GK5: variants seen among roughly 807,000 people sequenced by gnomAD.
The protein encoded by GK5 is ATP:glycerol 3-phosphotransferase 5.
In GK5, 39 loss-of-function variants were observed where a neutral mutation model predicts 77.3. That is an observed-to-expected ratio of 0.50 (90% CI 0.39 to 0.66). The LOEUF (loss-of-function observed/expected upper bound fraction) is 0.66. Among genes scored for constraint, GK5 ranks in the 30% least tolerant of loss-of-function variants. The pLI, the probability that GK5 is intolerant of heterozygous loss-of-function variation, is 0.00. For missense variants in GK5, 487 were observed against 633.8 expected, an observed-to-expected ratio of 0.77 and a Z score of 2.49; for synonymous variants, 211 against 208.0, an observed-to-expected ratio of 1.01 and a Z score of -0.13.
At chr3:142,218,869 G>C (rs1407721375) in intron 1 of GK5, among the ~76,000 whole-genome samples, 1 of 151,960 alleles carries the variant, frequency 6.6e-6, no homozygotes, top group Non-Finnish European at 1.5e-5. Context: ...CTAATATCCA[G>C]AATATATAAA....
chr3:142,191,048 ATT>A (rs61032785), intron 5 of GK5, among the ~76,000 whole-genome samples: 2 of 148,654 alleles, frequency 1.3e-5, no homozygotes. Context: ...AGTATAAATA[ATT>A]TTTTTTTTTT....
chr3:142,177,382 T>C (rs1198339933), intron 12 of GK5, 100 bp downstream of exon 12: 1 of 704,796 alleles, frequency 1.4e-6, no homozygotes, highest in Non-Finnish European at 2.5e-6. Context: ...TTCTGTTCAG[T>C]GCTCAAATTT....
At chr3:142,205,609 C>A (rs2064093870) in intron 3 of GK5, among the ~76,000 whole-genome samples, 1 of 152,196 alleles carries the variant, frequency 6.6e-6, no homozygotes, top group African/African-American at 2.4e-5. Flanking sequence ...CAACTCACTG[C>A]AACCTTTAAT....
At chr3:142,216,172 A>G (rs1028302103) in intron 1 of GK5, among the ~76,000 whole-genome samples, 1 of 152,120 alleles carries the variant, frequency 6.6e-6, no homozygotes. Context: ...GAATTCAGGT[A>G]CCATGGAACT....
At chr3:142,173,534 A>C (rs959916832) in intron 12 of GK5, among the ~76,000 whole-genome samples, 1 of 152,124 alleles carries the variant, frequency 6.6e-6, no homozygotes, top group African/African-American at 2.4e-5. Flanking sequence ...AATACAAAAA[A>C]TTAGCCAGAC....
At chr3:142,169,157 C>T (rs1398268141) in intron 15 of GK5, among the ~76,000 whole-genome samples, 1 of 152,206 alleles carries the variant, frequency 6.6e-6, no homozygotes, top group African/African-American at 2.4e-5. Flanking sequence ...AGGTGCTCCA[C>T]AAACGTTGTT....
chr3:142,200,098 T>TAC (rs202073717), intron 4 of GK5, among the ~76,000 whole-genome samples: 6,623 of 148,860 alleles, frequency 0.044, 226 homozygotes, highest in South Asian at 0.12. Context: ...TATATATATA[T>TAC]ACACACACAC....
At chr3:142,172,794 A>G (rs2063556260) in intron 12 of GK5, among the ~76,000 whole-genome samples, 1 of 152,252 alleles carries the variant, frequency 6.6e-6, no homozygotes, top group African/African-American at 2.4e-5. Context: ...AAGTTTTTAC[A>G]CTAAAATTGT....
chr3:142,172,320 G>A, intron 13 of GK5, 33 bp downstream of exon 13: 1 of 986,794 alleles, frequency 1.0e-6, no homozygotes, highest in Non-Finnish European at 1.6e-6. Context: ...AATATTCTAT[G>A]GGGAAGGGGA....
intron 5 of GK5, among the ~76,000 whole-genome samples, chr3:142,191,833 T>C (rs1267788583): frequency 1.3e-5 from 2 of 151,300 alleles, no homozygotes; most frequent in African/African-American, 2.4e-5. Flanking sequence ...AATAAATAAA[T>C]AAATAGTGAA....
chr3:142,187,816 G>C (rs1165397989), intron 5 of GK5, 37 bp from the exon 6 acceptor site: 1 of 1,478,552 alleles, frequency 6.8e-7, no homozygotes, highest in Non-Finnish European at 9.4e-7. Flanking sequence ...ATTCAAAAAG[G>C]CTAAATTACT....
intron 3 of GK5, among the ~76,000 whole-genome samples, chr3:142,209,432 G>A (rs2064161607): frequency 6.6e-6 from 1 of 152,112 alleles, no homozygotes; most frequent in South Asian, 2.1e-4. Context: ...TTATAACATA[G>A]AACAAGACAA....
chr3:142,215,389 A>T (rs1045289210), intron 2 of GK5, among the ~76,000 whole-genome samples: 2 of 152,214 alleles, frequency 1.3e-5, no homozygotes, highest in African/African-American at 4.8e-5. Context: ...AAAAGAGACA[A>T]ACCAGAGGAC....
intron 3 of GK5, among the ~76,000 whole-genome samples, chr3:142,211,361 C>T (rs1029532535): frequency 1.3e-5 from 2 of 152,200 alleles, no homozygotes; most frequent in South Asian, 2.1e-4. Context: ...AATTCATTCA[C>T]CCCTTCATCT....
At chr3:142,208,864 T>C (rs777315352) in intron 3 of GK5, among the ~76,000 whole-genome samples, 4 of 152,108 alleles carry the variant, frequency 2.6e-5, no homozygotes, top group Non-Finnish European at 5.9e-5. Context: ...AAAGGATAAA[T>C]AGAGGCCGGG....
intron 10 of GK5, among the ~76,000 whole-genome samples, chr3:142,181,910 T>C (rs997889615): frequency 2.0e-5 from 3 of 152,222 alleles, no homozygotes; most frequent in Admixed American, 6.5e-5. Flanking sequence ...TCTAGAAATA[T>C]GGCAATAAAT....
intron 4 of GK5, chr3:142,204,161 G>T: frequency 5.7e-6 from 1 of 176,676 alleles, no homozygotes; most frequent in Non-Finnish European, 1.2e-5. Flanking sequence ...AGGGACTAGG[G>T]GTCCACACCA....
At chr3:142,190,141 G>C (rs2063828380) in intron 5 of GK5, among the ~76,000 whole-genome samples, 1 of 152,108 alleles carries the variant, frequency 6.6e-6, no homozygotes, top group South Asian at 2.1e-4. Context: ...GGTTTTAATA[G>C]CACATTAGAA....
rs1345927137 is a variant in GK5, at chr3:142,157,635, C to T, written c.*7987G>A. ...TTTCAGAAAGGATTTTTAACATCTG[C>T]TAGGCTAATTCCATCATATTAGTAT... On this transcript the variant is annotated 3_prime_UTR_variant, in exon 16 of 16. Coordinates refer to ENST00000392993, the MANE Select transcript of GK5 (RefSeq NM_001039547.3). 2 of 152,146 alleles carry T rather than the reference C, an allele frequency of 1.3e-5. No individual in the cohort carries two copies. The highest frequency in any genetic ancestry group is 3.8e-4 in the East Asian group (2 of 5,206). The allele number at this position is 152,146 out of a possible 1,614,324, so 9.4% of individuals were successfully genotyped here. A position where few individuals can be genotyped will look rare whatever the true frequency, so the allele number is the denominator to read the frequency against.
Sources: allele counts gnomAD v4.1 joint callset (sites outside exome capture counted in the v4.1 genomes callset), GRCh38; gene constraint gnomAD v4.1.1; transcripts MANE v1.5; gene names NCBI Gene and HGNC (gene_info 2026-07-23, HGNC 2026-07-21).